RALY: variants seen among roughly 807,000 people sequenced by gnomAD.
RALY encodes the protein RNA-binding protein Raly.
Under a neutral mutation model 30.7 loss-of-function variants are expected in RALY, and 15 were observed. That is an observed-to-expected ratio of 0.49 (90% confidence interval 0.33 to 0.75). The LOEUF (loss-of-function observed/expected upper bound fraction) is 0.75. RALY is among the 30% of genes least tolerant of loss of function. The probability of loss-of-function intolerance (pLI) is 0.02; values close to 1 mark genes in which losing one functional copy is unlikely to be tolerated. For missense variants in RALY, 339 were observed against 414.3 expected (o/e 0.82, Z 1.58); for synonymous variants, 177 against 170.8 (o/e 1.04, Z -0.28).
At chr20:34,013,600 C>T (rs1436811673) in intron 1 of RALY, among the ~76,000 whole-genome samples, 1 of 152,038 alleles carries the variant, frequency 6.6e-6, no homozygotes, top group East Asian at 1.9e-4. Context: ...ATTCCAATGC[C>T]ACTTCCTCAG....
chr20:34,056,633 A>G (rs1015051739), intron 2 of RALY, among the ~76,000 whole-genome samples: 6 of 152,194 alleles, frequency 3.9e-5, no homozygotes, highest in African/African-American at 1.4e-4. Flanking sequence ...ACTTCATGGC[A>G]CTCAAAACTT....
chr20:34,048,833 G>A (rs558114788), intron 2 of RALY, among the ~76,000 whole-genome samples: 3 of 136,294 alleles, frequency 2.2e-5, no homozygotes, highest in Non-Finnish European at 3.1e-5. Flanking sequence ...TCTAGCCTGG[G>A]AGACAGCGAG....
intron 2 of RALY, among the ~76,000 whole-genome samples, chr20:34,052,153 A>T (rs1346394485): frequency 6.6e-6 from 1 of 152,224 alleles, no homozygotes; most frequent in African/African-American, 2.4e-5. Flanking sequence ...GGGAAACATC[A>T]GATTGAATAA....
At chr20:34,070,596 AT>A (rs1400092075) in intron 2 of RALY, among the ~76,000 whole-genome samples, 1 of 152,222 alleles carries the variant, frequency 6.6e-6, no homozygotes, top group East Asian at 1.9e-4. Context: ...TGGTATCTAA[AT>A]TGGCTTTAGC....
chr20:34,078,554 G>GT lies in RALY; in HGVS notation c.*4+2dup. The GT allele has an allele frequency of 6.3e-7, 1 of 1,577,942 alleles. No homozygotes were observed. The highest frequency in any genetic ancestry group is 8.6e-7 in the Non-Finnish European group (1 of 1,162,458). ...GATGATGGGGCCTTGCAGTAAGCAG[G>GT]TACAGGGGTCCTGTCCTGATGGGCA... On this transcript the variant is annotated splice_donor_variant, in intron 9 of 9. Transcript: ENST00000246194. LOFTEE classifies it low-confidence loss of function (3UTR_SPLICE).
chr20:34,044,416 G>A (rs2032806729), intron 2 of RALY, among the ~76,000 whole-genome samples: 2 of 151,920 alleles, frequency 1.3e-5, no homozygotes, highest in Admixed American at 1.3e-4. Flanking sequence ...AACCTCCTAG[G>A]TTCAAGTGAT....
At chr20:34,038,953 C>A (rs904378514) in intron 2 of RALY, among the ~76,000 whole-genome samples, 1 of 152,148 alleles carries the variant, frequency 6.6e-6, no homozygotes, top group Admixed American at 6.5e-5. Context: ...GGCTCTTAAC[C>A]TTGTTCTACT....
In RALY at chr20:34,081,586, A is replaced by C. The variant is rs2034031094; in HGVS notation, c.*1681A>C. On this transcript the variant is annotated 3_prime_UTR_variant, in exon 10 of 10. Transcript: ENST00000246194. ...CCCATTTCAAACCAACCCGGTCTAC[A>C]GCCTCCAGGGAAGCTTCCTCCTGGG... 1 of 152,256 alleles carries C rather than the reference A, an allele frequency of 6.6e-6. No individual in the cohort carries two copies. The highest frequency in any genetic ancestry group is 1.5e-5 in the Non-Finnish European group (1 of 68,078). 9.4% of individuals were successfully genotyped at this position (152,256 alleles called of 1,614,324 possible).
chr20:34,050,598 C>T (rs2033044671), intron 2 of RALY, among the ~76,000 whole-genome samples: 1 of 152,182 alleles, frequency 6.6e-6, no homozygotes, highest in Admixed American at 6.5e-5. Flanking sequence ...TGTGCCTAGG[C>T]CCTTGTCAGG....
At position 34,052,076 on chromosome 20, in the gene RALY, C is replaced by T. The variant is rs564005589; in HGVS notation, c.-9-19990C>T. ...CACAGTAGGTTAGAGCTGACAGGGA[C>T]CCTAGAGATCTGTCCCAGTGTGTCT... On this transcript the variant is annotated intron_variant, in intron 2 of 9. Coordinates refer to ENST00000246194, the MANE Select transcript of RALY (RefSeq NM_016732.3). 2.0e-5 allele frequency among the ~76,000 whole-genome samples: 3 copies of T among 152,154 alleles called. 1 individual carries two copies. The highest frequency in any genetic ancestry group is 4.4e-5 in the Non-Finnish European group (3 of 68,026).
At chr20:34,013,293 C>T (rs894929756) in intron 1 of RALY, among the ~76,000 whole-genome samples, 1 of 151,334 alleles carries the variant, frequency 6.6e-6, no homozygotes, top group Non-Finnish European at 1.5e-5. Flanking sequence ...TTCCTGTAGT[C>T]TCAGCAGCTA....
chr20:34,072,309 G>A lies in RALY; in HGVS notation c.235G>A (p.Val79Met), dbSNP rs973076126. 2 of 1,613,232 alleles carry A rather than the reference G, an allele frequency of 1.2e-6. No homozygotes were observed. The highest frequency in any genetic ancestry group is 8.5e-7 in the Non-Finnish European group (1 of 1,179,990). Residue 79 changes from valine to methionine, a missense_variant, in exon 3 of 10, where the codon GTG (valine) becomes ATG (methionine). Val to Met is a conservative substitution (Grantham distance 21, BLOSUM62 1). This residue lies in a region of RALY where 71 missense variants were observed against 133.7 expected (regional missense o/e 0.53). Coordinates refer to ENST00000246194, the MANE Select transcript of RALY (RefSeq NM_016732.3). ...RAAVLGENGR[V>M]LAGQTLDINM... ...AGCTGTGCTGGGAGAGAATGGGCGG[G>A]TGCTGGCCGGGCAGACCCTGGGTAA...
chr20:34,064,814 T>A (rs45512800), intron 2 of RALY, among the ~76,000 whole-genome samples: 6 of 152,218 alleles, frequency 3.9e-5, no homozygotes, highest in Admixed American at 3.9e-4. Context: ...ACTAGCACTT[T>A]ACTCATATTA....
At chr20:34,039,165 C>T (rs2032606608) in intron 2 of RALY, among the ~76,000 whole-genome samples, 1 of 152,188 alleles carries the variant, frequency 6.6e-6, no homozygotes, top group African/African-American at 2.4e-5. Context: ...CTGCTTAAGC[C>T]TGCAGCAGGA....
At chr20:34,075,623 ACCTGATGCCTTG>A (rs1471848655) in intron 5 of RALY, among the ~76,000 whole-genome samples, 1 of 152,056 alleles carries the variant, frequency 6.6e-6, no homozygotes, top group Non-Finnish European at 1.5e-5. Flanking sequence ...AACTGCTACC[ACCTGATGCCTTG>A]CCTGCCCTTA....
chr20:34,033,121 A>G (rs979485093), intron 2 of RALY: 3 of 152,126 alleles, frequency 2.0e-5, no homozygotes, highest in African/African-American at 7.2e-5. Flanking sequence ...AAGTTGAGAA[A>G]CCTAGGTTTT....
intron 2 of RALY, among the ~76,000 whole-genome samples, chr20:34,065,972 A>T (rs1328303959): frequency 6.6e-6 from 1 of 152,134 alleles, no homozygotes; most frequent in Non-Finnish European, 1.5e-5. Flanking sequence ...GAGTTCTCTG[A>T]GTGCCTGAGA....
Position 34,083,555 on chromosome 20 carries a change from C to G in RALY, c.*3650C>G, listed in dbSNP as rs914023306. The G allele has an allele frequency of 6.6e-6, 1 of 152,234 alleles. No homozygotes were observed. The highest frequency in any genetic ancestry group is 2.4e-5 in the African/African-American group (1 of 41,448). The allele number at this position is 152,234 out of a possible 1,614,324, so 9.4% of individuals were successfully genotyped here. ...CATATTTAAAAAATCTACCTCAGGACTCATTTCACTTGCCAACTCAGAACT... is the reference window on the plus strand; with the variant it reads ...CATATTTAAAAAATCTACCTCAGGAGTCATTTCACTTGCCAACTCAGAACT... On this transcript the variant is annotated 3_prime_UTR_variant, in exon 10 of 10. Coordinates refer to ENST00000246194, the MANE Select transcript of RALY (RefSeq NM_016732.3).
rs2034023225 is a variant in RALY, at chr20:34,081,095, C to G, written c.*1190C>G. 1.3e-5 allele frequency: 2 copies of G among 152,200 alleles called. No individual in the cohort carries two copies. The highest frequency in any genetic ancestry group is 4.8e-5 in the African/African-American group (2 of 41,436). 9.4% of individuals were successfully genotyped at this position (152,200 alleles called of 1,614,324 possible). Reference sequence around the variant, plus strand: ...ATGTCACCTACTTCCCCCTTCATTCCCCACAATGAATGGATCCATTTTCCC... The same window carrying G: ...ATGTCACCTACTTCCCCCTTCATTCGCCACAATGAATGGATCCATTTTCCC... On this transcript the variant is annotated 3_prime_UTR_variant, in exon 10 of 10. Coordinates refer to ENST00000246194, the MANE Select transcript of RALY (RefSeq NM_016732.3).
Sources: allele counts gnomAD v4.1 joint callset (sites outside exome capture counted in the v4.1 genomes callset), GRCh38; gene constraint gnomAD v4.1.1; regional missense constraint gnomAD v4.1.1; transcripts MANE v1.5; gene names NCBI Gene and HGNC (gene_info 2026-07-23, HGNC 2026-07-21).